The following ASIP variants were observed in gnomAD, a reference collection of about 807,000 sequenced individuals.
ASIP encodes agouti signaling protein, also known as agouti-signaling protein.
In ASIP, 11 loss-of-function variants were observed where a neutral mutation model predicts 10.3. That is an observed-to-expected ratio of 1.07 (90% confidence interval 0.68 to 1.78). The LOEUF (loss-of-function observed/expected upper bound fraction) is 1.78. ASIP is among the 40% of genes most tolerant of loss of function. ASIP has a pLI of 0.00. For synonymous variants in ASIP, 70 were observed against 70.8 expected (o/e 0.99, Z 0.06); for missense variants, 180 against 169.2 (o/e 1.06, Z -0.35).
At chr20:34,246,399 C>A (rs2035376165) in intron 1 of ASIP, 1 of 1,383,616 alleles carries the variant, frequency 7.2e-7, no homozygotes, top group African/African-American at 1.4e-5. Context: ...TGAGCAACAT[C>A]AGGCATATAT....
chr20:34,191,291 T>C (rs1476283268), upstream of ASIP, among the ~76,000 whole-genome samples: 1 of 152,152 alleles, frequency 6.6e-6, no homozygotes, highest in African/African-American at 2.4e-5. Flanking sequence ...AAGATGTCTC[T>C]TAGATGAGGG....
intron 1 of ASIP, among the ~76,000 whole-genome samples, chr20:34,195,785 C>CT (rs571961363): frequency 3.0e-4 from 45 of 151,434 alleles, no homozygotes; most frequent in East Asian, 1.6e-3. Context: ...AGACAATTAC[C>CT]TTTTTTTTTG....
intron 1 of ASIP, among the ~76,000 whole-genome samples, chr20:34,226,416 G>A (rs1031961130): frequency 6.6e-6 from 1 of 151,320 alleles, no homozygotes; most frequent in Non-Finnish European, 1.5e-5. Context: ...GCAGTGGCAC[G>A]ACTTTGGCTC....
At position 34,203,422 on chromosome 20, in the gene ASIP, C is replaced by T. The variant is rs549192306; in HGVS notation, c.-11+8662C>T. ...TATTATATATATATTTTTTGAGACA[C>T]GGTTTCACTCTGTCACTCAAGCTGG... On this transcript the variant is annotated intron_variant, in intron 1 of 3. Transcript: ENST00000568305. Among the ~76,000 whole-genome samples, 18 of 149,024 alleles carry T rather than the reference C, an allele frequency of 1.2e-4. No individual in the cohort carries two copies. The East Asian group carries it at 2.8e-3, about 23-fold the overall frequency.
upstream of ASIP, among the ~76,000 whole-genome samples, chr20:34,237,418 T>A (rs2035225252): frequency 6.6e-6 from 1 of 152,234 alleles, no homozygotes; most frequent in Non-Finnish European, 1.5e-5. Flanking sequence ...ATTCTTTTGA[T>A]GCTTTTGTAG....
intron 1 of ASIP, chr20:34,215,296 G>A: frequency 2.6e-6 from 4 of 1,548,290 alleles, no homozygotes; most frequent in Non-Finnish European, 3.6e-6. Flanking sequence ...CATCACTTCA[G>A]AATTAGTATA....
At chr20:34,233,231 T>C (rs2035136255) in intron 1 of ASIP, among the ~76,000 whole-genome samples, 1 of 145,474 alleles carries the variant, frequency 6.9e-6, no homozygotes, top group African/African-American at 2.6e-5. Flanking sequence ...CACTGAAAGC[T>C]CTGCCTCCTG....
chr20:34,203,412 T>G (rs1307444907), intron 1 of ASIP, among the ~76,000 whole-genome samples: 1 of 150,262 alleles, frequency 6.7e-6, no homozygotes, highest in African/African-American at 2.4e-5. Context: ...TATATATATT[T>G]TTTGAGACAC....
intron 1 of ASIP, among the ~76,000 whole-genome samples, chr20:34,256,874 G>C (rs746483765): frequency 6.6e-6 from 1 of 151,992 alleles, no homozygotes; most frequent in Non-Finnish European, 1.5e-5. Context: ...TCAACTTCCT[G>C]GGGTCAGGTG....
chr20:34,206,127 G>C (rs1239965087), intron 1 of ASIP, among the ~76,000 whole-genome samples: 2 of 152,012 alleles, frequency 1.3e-5, no homozygotes, highest in Non-Finnish European at 2.9e-5. Context: ...CAAGTAGCTG[G>C]GACTACAGGT....
intron 1 of ASIP, among the ~76,000 whole-genome samples, chr20:34,258,018 CCTGTAGTCCCAG>C (rs1452276268): frequency 6.6e-6 from 1 of 152,004 alleles, no homozygotes; most frequent in African/African-American, 2.4e-5. Flanking sequence ...GTGGCAAGCA[CCTGTAGTCCCAG>C]CTACTCAGGA....
At chr20:34,219,609 A>G (rs984245311) in intron 1 of ASIP, among the ~76,000 whole-genome samples, 1 of 152,242 alleles carries the variant, frequency 6.6e-6, no homozygotes, top group African/African-American at 2.4e-5. Flanking sequence ...GGTCAACAGC[A>G]TTAATCTCAG....
intron 2 of ASIP, 112 bp downstream of exon 2, chr20:34,260,646 C>G: frequency 8.1e-7 from 1 of 1,236,098 alleles, no homozygotes; most frequent in Non-Finnish European, 1.1e-6. Flanking sequence ...CCTTCTTGCT[C>G]GTTCCAGGAA....
upstream of ASIP, among the ~76,000 whole-genome samples, chr20:34,190,446 C>T (rs1316397865): frequency 2.6e-5 from 4 of 152,174 alleles, no homozygotes; most frequent in Admixed American, 1.3e-4. Context: ...CCCATTTTCC[C>T]TGGGTGATCT....
At chr20:34,220,981 A>G (rs1397726711) in intron 1 of ASIP, among the ~76,000 whole-genome samples, 81 of 90,268 alleles carry the variant, frequency 9.0e-4, no homozygotes, top group African/African-American at 5.8e-3. Flanking sequence ...TTTTTTCTTC[A>G]GTGAAGGAGG....
chr20:34,266,203 T>C (rs2035781744), intron 3 of ASIP, among the ~76,000 whole-genome samples: 1 of 151,186 alleles, frequency 6.6e-6, no homozygotes, highest in African/African-American at 2.4e-5. Context: ...AATACAAAAA[T>C]TAGCCGGAGG....
chr20:34,223,513 C>G (rs1189396170), intron 1 of ASIP, among the ~76,000 whole-genome samples: 225 of 148,554 alleles, frequency 1.5e-3, no homozygotes, highest in African/African-American at 5.6e-3. Context: ...TCAGCCCCCC[C>G]GCCCGGCCAG....
At chr20:34,251,610 A>G (rs1601601107) in intron 1 of ASIP, among the ~76,000 whole-genome samples, 1 of 152,292 alleles carries the variant, frequency 6.6e-6, no homozygotes, top group East Asian at 1.9e-4. Flanking sequence ...CAGTGGCACA[A>G]TGACAGGGAG....
intron 1 of ASIP, among the ~76,000 whole-genome samples, chr20:34,247,504 T>C (rs973715894): frequency 6.6e-6 from 1 of 151,898 alleles, no homozygotes; most frequent in African/African-American, 2.4e-5. Flanking sequence ...TTCATCATGT[T>C]AGTCAGGCTG....
Sources: allele counts gnomAD v4.1 joint callset (sites outside exome capture counted in the v4.1 genomes callset), GRCh38; gene constraint gnomAD v4.1.1; transcripts MANE v1.5; gene names NCBI Gene and HGNC (gene_info 2026-07-23, HGNC 2026-07-21).